Variants in ACTR3 observed in about 807,000 individuals in gnomAD.
The protein encoded by ACTR3 is actin related protein 3.
In ACTR3, 12 loss-of-function variants were observed where a neutral mutation model predicts 56.8. The observed-to-expected ratio is 0.21, with a 90% CI of 0.14 to 0.34. The LOEUF is 0.34. ACTR3 is among the 10% of genes least tolerant of loss of function. The pLI is 1.00. For synonymous variants in ACTR3, 162 were observed against 167.4 expected (o/e 0.97, Z 0.25); for missense variants, 282 against 512.5 (o/e 0.55, Z 4.34).
chr2:113,956,377 A>ATT (rs768293151), intron 11 of ACTR3, among the ~76,000 whole-genome samples: 5 of 141,918 alleles, frequency 3.5e-5, no homozygotes, highest in African/African-American at 7.7e-5. Flanking sequence ...TTTGAATTTA[A>ATT]TTTTTTTTTT....
intron 1 of ACTR3, among the ~76,000 whole-genome samples, chr2:113,905,771 G>C (rs1052878024): frequency 1.3e-5 from 2 of 152,140 alleles, no homozygotes; most frequent in Middle Eastern, 6.8e-3. Context: ...TTTTGTGATT[G>C]GTTTATTTTA....
chr2:113,929,530 G>T (rs1679680487), intron 4 of ACTR3, among the ~76,000 whole-genome samples: 1 of 152,174 alleles, frequency 6.6e-6, no homozygotes, highest in Non-Finnish European at 1.5e-5. Flanking sequence ...AAATACGTAA[G>T]TATGGAATTG....
chr2:113,910,116 G>GA (rs1431047788), intron 1 of ACTR3, among the ~76,000 whole-genome samples: 2 of 152,136 alleles, frequency 1.3e-5, no homozygotes, highest in East Asian at 3.9e-4. Flanking sequence ...TCACTTGAAA[G>GA]ACCAAGGCAT....
intron 1 of ACTR3, chr2:113,890,560 G>A: frequency 7.3e-7 from 1 of 1,371,618 alleles, no homozygotes; most frequent in Admixed American, 3.4e-5. Flanking sequence ...AACCCTCCCA[G>A]CGGCTTTCTC....
In ACTR3 at chr2:113,959,236, T is replaced by G. The variant is rs1383077009; in HGVS notation, c.*1781T>G. ...TTGTAATTTTCTGTGTAGGTAGAAA[T>G]AAATGTAGCTTTCTTATTTTACACA... On this transcript the variant is annotated 3_prime_UTR_variant, in exon 12 of 12. Coordinates refer to ENST00000263238, the MANE Select transcript of ACTR3 (RefSeq NM_005721.5). The G allele has an allele frequency of 6.6e-6, 1 of 152,040 alleles. No individual in the cohort carries two copies. Among genetic ancestry groups the G allele is most frequent in the Non-Finnish European group, 1.5e-5 (1 of 67,904 alleles). The allele number at this position is 152,040 out of a possible 1,614,324, so 9.4% of individuals were successfully genotyped here.
chr2:113,914,758 G>A (rs1462491822), intron 2 of ACTR3, among the ~76,000 whole-genome samples: 2 of 151,778 alleles, frequency 1.3e-5, no homozygotes, highest in African/African-American at 2.4e-5. Context: ...CTCCTATTTT[G>A]ATACACTTTT....
intron 1 of ACTR3, among the ~76,000 whole-genome samples, chr2:113,909,617 TG>T (rs1559463122): frequency 4.7e-5 from 7 of 149,040 alleles, no homozygotes; most frequent in African/African-American, 1.8e-4. Flanking sequence ...TTGTTGTTGT[TG>T]TTGTTTTTTT....
chr2:113,890,439 C>G, intron 1 of ACTR3, 116 bp downstream of exon 1: 1 of 1,297,634 alleles, frequency 7.7e-7, no homozygotes, highest in Non-Finnish European at 1.0e-6. Flanking sequence ...GGCTGTCAGT[C>G]CTAGACCCGC....
intron 8 of ACTR3, among the ~76,000 whole-genome samples, chr2:113,947,449 T>G (rs754861773): frequency 6.6e-6 from 1 of 152,172 alleles, no homozygotes; most frequent in Non-Finnish European, 1.5e-5. Flanking sequence ...CCCAGGAGTT[T>G]AAGACCAGCT....
At chr2:113,945,071 A>G (rs1679991335) in intron 8 of ACTR3, among the ~76,000 whole-genome samples, 1 of 152,218 alleles carries the variant, frequency 6.6e-6, no homozygotes, top group Non-Finnish European at 1.5e-5. Flanking sequence ...TCATGATGAA[A>G]TGACACATAA....
intron 4 of ACTR3, among the ~76,000 whole-genome samples, chr2:113,927,727 G>T (rs1460804158): frequency 6.6e-6 from 1 of 152,124 alleles, no homozygotes; most frequent in African/African-American, 2.4e-5. Flanking sequence ...TCAGAAAAAT[G>T]TTGGAAACCT....
rs562550056 is a variant in ACTR3 at position 113,908,881 on chromosome 2, C to T, written c.45-4291C>T. On this transcript the variant is annotated intron_variant, in intron 1 of 11. Transcript: ENST00000263238. ...TTACTTTTTTAGATTGTGTCCTGTACCACATTTTTTTTGAGACAGGAACCA... is the reference window on the plus strand; with the variant it reads ...TTACTTTTTTAGATTGTGTCCTGTATCACATTTTTTTTGAGACAGGAACCA... Among the ~76,000 whole-genome samples, 7 of 152,064 alleles carry T rather than the reference C, an allele frequency of 4.6e-5. No individual in the cohort carries two copies. In the South Asian group the frequency reaches 1.5e-3, roughly 32 times the overall value.
At chr2:113,897,467 T>C (rs1478784640) in intron 1 of ACTR3, among the ~76,000 whole-genome samples, 2 of 151,640 alleles carry the variant, frequency 1.3e-5, no homozygotes, top group Non-Finnish European at 2.9e-5. Flanking sequence ...CATTCTTACA[T>C]ACTCCTTGGA....
At chr2:113,900,437 T>A (rs752122081) in intron 1 of ACTR3, among the ~76,000 whole-genome samples, 2 of 152,188 alleles carry the variant, frequency 1.3e-5, no homozygotes, top group Non-Finnish European at 2.9e-5. Flanking sequence ...ACTGCTGTAG[T>A]CGTTGTCTTC....
chr2:113,957,751 C>T lies in ACTR3; in HGVS notation c.*296C>T, dbSNP rs187172216. 6 of 290,076 alleles carry T rather than the reference C, an allele frequency of 2.1e-5. No individual in the cohort carries two copies. Among genetic ancestry groups the T allele is most frequent in the South Asian group, 1.3e-4 (2 of 15,610 alleles). The allele number at this position is 290,076 out of a possible 1,614,324, so 18.0% of individuals were successfully genotyped here. A position where few individuals can be genotyped will look rare whatever the true frequency, so the allele number is the denominator to read the frequency against. On this transcript the variant is annotated 3_prime_UTR_variant, in exon 12 of 12. Transcript: ENST00000263238. ...GTATATTAATGAATTATCCAAGATT[C>T]GATGGGATTTATCAGTGTGTAGATA...
intron 6 of ACTR3, among the ~76,000 whole-genome samples, chr2:113,936,287 G>GT (rs1679823652): frequency 7.7e-6 from 1 of 130,494 alleles, no homozygotes; most frequent in Non-Finnish European, 1.6e-5. Context: ...GAGCAACAGA[G>GT]TGAGACCCTG....
chr2:113,932,054 T>C (rs916082338), intron 5 of ACTR3, among the ~76,000 whole-genome samples: 1 of 152,204 alleles, frequency 6.6e-6, no homozygotes, highest in African/African-American at 2.4e-5. Context: ...ATTAAATGGT[T>C]AGCTGTGATA....
chr2:113,890,431 C>T (rs1037513471), intron 1 of ACTR3, 108 bp downstream of exon 1: 3 of 1,348,554 alleles, frequency 2.2e-6, no homozygotes, highest in Admixed American at 4.6e-5. Flanking sequence ...CCGCCGCCGG[C>T]TGTCAGTCCT....
chr2:113,893,419 G>T (rs1427746452), intron 1 of ACTR3, among the ~76,000 whole-genome samples: 2 of 151,918 alleles, frequency 1.3e-5, no homozygotes, highest in East Asian at 1.9e-4. Context: ...TCAGCCTCCC[G>T]AGTAGCTGGG....
Sources: allele counts gnomAD v4.1 joint callset (sites outside exome capture counted in the v4.1 genomes callset), GRCh38; gene constraint gnomAD v4.1.1; transcripts MANE v1.5; gene names NCBI Gene and HGNC (gene_info 2026-07-23, HGNC 2026-07-21).